SNTG2: variants seen among roughly 807,000 people sequenced by gnomAD.
SNTG2 encodes the protein syntrophin gamma 2.
SNTG2 carries 74 observed loss-of-function variants against 70.9 expected under a neutral mutation model. The observed-to-expected ratio is 1.04, with a 90% CI of 0.86 to 1.27. The LOEUF is 1.27. Among genes scored for constraint, SNTG2 ranks in the 50% most tolerant of loss-of-function variants. SNTG2 has a pLI of 0.00. For missense variants in SNTG2, 717 were observed against 690.7 expected (o/e 1.04, Z -0.43); for synonymous variants, 278 against 273.8 (o/e 1.02, Z -0.15).
At chr2:1,015,443 T>C (rs1013750409) in intron 1 of SNTG2, among the ~76,000 whole-genome samples, 1 of 152,244 alleles carries the variant, frequency 6.6e-6, no homozygotes, top group South Asian at 2.1e-4. Context: ...ACGTGTGTTC[T>C]ATTTATGTGA....
At chr2:1,183,285 C>G (rs1017050015) in intron 8 of SNTG2, among the ~76,000 whole-genome samples, 3 of 152,076 alleles carry the variant, frequency 2.0e-5, no homozygotes, top group Admixed American at 6.6e-5. Context: ...TGATTGGGGC[C>G]TATTACATAT....
intron 1 of SNTG2, among the ~76,000 whole-genome samples, chr2:987,452 G>T (rs771863951): frequency 6.6e-6 from 1 of 151,996 alleles, no homozygotes; most frequent in Admixed American, 6.6e-5. Context: ...GTGTGTCACG[G>T]GGGCCTTTAC....
intron 9 of SNTG2, among the ~76,000 whole-genome samples, chr2:1,232,382 C>T (rs892334772): frequency 6.6e-6 from 1 of 152,040 alleles, no homozygotes; most frequent in African/African-American, 2.4e-5. Context: ...TCACTGCAAC[C>T]TCCGCCTCCC....
intron 1 of SNTG2, among the ~76,000 whole-genome samples, chr2:1,018,567 C>T (rs576517846): frequency 2.6e-5 from 4 of 152,134 alleles, no homozygotes; most frequent in Non-Finnish European, 5.9e-5. Flanking sequence ...GCTGTCAGAC[C>T]TGGAGAAACA....
chr2:1,053,925 C>T (rs113338806), intron 1 of SNTG2, among the ~76,000 whole-genome samples: 2,215 of 141,434 alleles, frequency 0.016, 63 homozygotes, highest in African/African-American at 0.053. Context: ...CTCCTCTCCT[C>T]CCTCCCGCCC....
intron 6 of SNTG2, chr2:1,159,192 AATGT>A (rs1670109579): frequency 6.8e-6 from 1 of 148,036 alleles, no homozygotes; most frequent in Non-Finnish European, 1.5e-5. Context: ...ATTACGTCTG[AATGT>A]ATGAGTGCAT....
chr2:1,179,312 G>T (rs1671701656), intron 8 of SNTG2, among the ~76,000 whole-genome samples: 2 of 151,922 alleles, frequency 1.3e-5, no homozygotes, highest in African/African-American at 4.8e-5. Flanking sequence ...CTTCAGTTCT[G>T]CTCTGATTTT....
At chr2:1,315,933 G>T (rs1681255183) in intron 15 of SNTG2, among the ~76,000 whole-genome samples, 1 of 152,138 alleles carries the variant, frequency 6.6e-6, no homozygotes, top group Non-Finnish European at 1.5e-5. Context: ...TTTTAAGGCT[G>T]TGTACAGGAA....
At chr2:1,317,061 T>C (rs1247043181) in intron 16 of SNTG2, among the ~76,000 whole-genome samples, 1 of 92,216 alleles carries the variant, frequency 1.1e-5, no homozygotes, top group Non-Finnish European at 2.3e-5. Flanking sequence ...CAGGGCAGCA[T>C]TGGAGAAGGT....
At chr2:1,095,395 T>C (rs1177802462) in intron 2 of SNTG2, among the ~76,000 whole-genome samples, 1 of 152,202 alleles carries the variant, frequency 6.6e-6, no homozygotes, top group African/African-American at 2.4e-5. Flanking sequence ...GAAAGGAACA[T>C]TTCAAGAGAC....
At chr2:990,029 C>CTG (rs1195473743) in intron 1 of SNTG2, among the ~76,000 whole-genome samples, 1 of 152,256 alleles carries the variant, frequency 6.6e-6, no homozygotes, top group East Asian at 1.9e-4. Flanking sequence ...CTGGGAGCAG[C>CTG]TGCTGACCCC....
chr2:1,022,126 T>A (rs1186824442), intron 1 of SNTG2, among the ~76,000 whole-genome samples: 1 of 152,030 alleles, frequency 6.6e-6, no homozygotes, highest in Non-Finnish European at 1.5e-5. Flanking sequence ...AGAGGTGAAC[T>A]GAAAACTATG....
intron 4 of SNTG2, among the ~76,000 whole-genome samples, chr2:1,137,405 A>G (rs902060944): frequency 2.0e-5 from 3 of 150,824 alleles, no homozygotes; most frequent in Middle Eastern, 6.8e-3. Flanking sequence ...GCAAATACCC[A>G]TGCATGCCAC....
intron 9 of SNTG2, among the ~76,000 whole-genome samples, chr2:1,217,552 CCT>C (rs1441729466): frequency 6.6e-6 from 1 of 152,160 alleles, no homozygotes; most frequent in Non-Finnish European, 1.5e-5. Flanking sequence ...GAAAATAACC[CCT>C]GTCCTGTGAC....
At chr2:1,189,083 G>T (rs893734742) in intron 8 of SNTG2, among the ~76,000 whole-genome samples, 2 of 152,074 alleles carry the variant, frequency 1.3e-5, no homozygotes, top group Non-Finnish European at 2.9e-5. Flanking sequence ...ACTATGTAAT[G>T]TGGATATAAT....
At chr2:1,255,688 T>G (rs1461286842) in intron 12 of SNTG2, among the ~76,000 whole-genome samples, 1 of 151,596 alleles carries the variant, frequency 6.6e-6, no homozygotes, top group Non-Finnish European at 1.5e-5. Context: ...AGTGCCCTGC[T>G]TCAGAACAGT....
At chr2:1,350,880 G>A (rs576633233) in intron 16 of SNTG2, among the ~76,000 whole-genome samples, 1 of 152,000 alleles carries the variant, frequency 6.6e-6, no homozygotes, top group Non-Finnish European at 1.5e-5. Context: ...GACTTGAATT[G>A]ATGCCTGATT....
Position 1,083,647 on chromosome 2 carries a change from G to A in SNTG2, c.202G>A (p.Gly68Ser). Residue 68 changes from glycine to serine, a missense_variant, in exon 2 of 17, where the codon GGC becomes AGC. Physicochemically the swap from Gly to Ser is moderately conservative, Grantham distance 56 (BLOSUM62 0). Coordinates refer to ENST00000308624, the MANE Select transcript of SNTG2 (RefSeq NM_018968.4). ...TGTCTGTGTGGGCGGAAGCCACCAG[G>A]GCAGGAATGTAAGTGCCATCACTTC... ...DVVCVGGSHQ[G>S]RNRRTVTLRR... 1 of 1,613,756 alleles carries A rather than the reference G, an allele frequency of 6.2e-7. No individual in the cohort carries two copies. The highest frequency in any genetic ancestry group is 8.5e-7 in the Non-Finnish European group (1 of 1,179,708).
intron 9 of SNTG2, among the ~76,000 whole-genome samples, chr2:1,237,371 C>T (rs185497636): frequency 1.4e-4 from 21 of 152,224 alleles, no homozygotes; most frequent in Admixed American, 7.9e-4. Flanking sequence ...GAATTTGAGA[C>T]GGTTGGTTGT....
Sources: gnomAD v4.1 joint callset for allele counts (sites outside exome capture counted in the v4.1 genomes callset) on GRCh38, gnomAD v4.1.1 for gene constraint, MANE v1.5 for transcripts, NCBI Gene and HGNC (gene_info 2026-07-23, HGNC 2026-07-21) for gene names.